CELSR1: variants seen among roughly 807,000 people sequenced by gnomAD.
The protein encoded by CELSR1 is adhesion G protein-coupled receptor C1.
A neutral mutation model predicts 249.1 loss-of-function variants in CELSR1; 110 were observed. The observed-to-expected ratio is 0.44, with a 90% CI of 0.38 to 0.52. The LOEUF (loss-of-function observed/expected upper bound fraction) is 0.52. CELSR1 is among the 20% of genes least tolerant of loss of function. CELSR1 has a pLI of 0.00. For missense variants in CELSR1, 4,109 were observed against 4,296.4 expected (o/e 0.96, Z 1.22); for synonymous variants, 2,113 against 1,900.0 (o/e 1.11, Z -2.92).
At position 46,393,081 on chromosome 22, in the gene CELSR1, G is replaced by A. The variant is rs1741585170; in HGVS notation, c.5964+1061C>T. Among the ~76,000 whole-genome samples the A allele has an allele frequency of 6.6e-6, 1 of 152,120 alleles. No homozygotes were observed. On this transcript the variant is annotated intron_variant, in intron 14 of 34. Transcript: ENST00000674500. The surrounding 1 kb of genome is among the most constrained non-coding windows in gnomAD (Gnocchi z 4.1). ...GGGGACACTACTGACATCACGAGAT[G>A]GCATCCAAGGGTGCCCTGGTACCAG...
intron 1 of CELSR1, among the ~76,000 whole-genome samples, chr22:46,483,925 A>C (rs145869245): frequency 6.6e-6 from 1 of 152,288 alleles, no homozygotes; most frequent in African/African-American, 2.4e-5. Flanking sequence ...TAATACCAAT[A>C]ATTTGTACCT....
chr22:46,439,058 T>A, intron 3 of CELSR1, 131 bp downstream of exon 3: 1 of 910,158 alleles, frequency 1.1e-6, no homozygotes, highest in Non-Finnish European at 1.7e-6. Flanking sequence ...GCGCCTGGCC[T>A]GGAGCTACTC....
intron 24 of CELSR1, among the ~76,000 whole-genome samples, chr22:46,373,471 A>ACCCAGTGCTCTGGGAGGGGCAGCTTCGTG (rs1569111074): frequency 1.8e-3 from 172 of 98,180 alleles, no homozygotes; most frequent in African/African-American, 6.5e-3. Context: ...GCAGCTTCAC[A>ACCCAGTGCTCTGGGAGGGGCAGCTTCGTG]CCCAGTGCTC....
intron 1 of CELSR1, among the ~76,000 whole-genome samples, chr22:46,469,997 A>G: frequency 1.2e-5 from 1 of 84,868 alleles, no homozygotes. Flanking sequence ...GGAGGGAGGG[A>G]GGGAGAGGCA....
In CELSR1 at chr22:46,373,925, G is replaced by A. The variant is rs189582293; in HGVS notation, c.7585-868C>T. Among the ~76,000 whole-genome samples, 797 of 152,288 alleles carry A rather than the reference G, an allele frequency of 5.2e-3. 5 individuals are homozygous for A. The highest frequency in any genetic ancestry group is 0.027 in the Middle Eastern group (8 of 294). ...CCCCCGCCTCAACCCCAGGCTTAAG[G>A]CCACTTTGCTCAGGCACTGGGTCAC... On this transcript the variant is annotated intron_variant, in intron 24 of 34. Transcript: ENST00000674500.
At chr22:46,392,003 C>G (rs2079098291) in intron 14 of CELSR1, among the ~76,000 whole-genome samples, 187 bp from the exon 15 acceptor site, 1 of 152,256 alleles carries the variant, frequency 6.6e-6, no homozygotes, top group Non-Finnish European at 1.5e-5. Context: ...CAAGGCCCCA[C>G]AAGGCCGGAC....
chr22:46,395,301 G>A lies in CELSR1; in HGVS notation c.5844-1039C>T, dbSNP rs2079136042. On this transcript the variant is annotated intron_variant, in intron 13 of 34. Coordinates refer to ENST00000674500, the MANE Select transcript of CELSR1 (RefSeq NM_001378328.1). The surrounding 1 kb of genome is among the most constrained non-coding windows in gnomAD (Gnocchi z 5.5). ...AGCTGTGCTCCATGCGGCAGGTGGG[G>A]GTTCCCTAAGACCAGGTCCTGCCAC... Among the ~76,000 whole-genome samples, 1 of 152,112 alleles carries A rather than the reference G, an allele frequency of 6.6e-6. No individual in the cohort carries two copies. Among genetic ancestry groups the A allele is most frequent in the Admixed American group, 6.5e-5 (1 of 15,268 alleles).
At chr22:46,532,388 C>T (rs950439480) in intron 1 of CELSR1, among the ~76,000 whole-genome samples, 6 of 152,208 alleles carry the variant, frequency 3.9e-5, no homozygotes, top group Non-Finnish European at 5.9e-5. Context: ...ACTGTACTGC[C>T]AAAATTGTGC....
intron 1 of CELSR1, among the ~76,000 whole-genome samples, chr22:46,507,905 C>T (rs548008036): frequency 1.3e-5 from 2 of 148,920 alleles, no homozygotes; most frequent in African/African-American, 2.6e-5. Context: ...CCTCCTCACA[C>T]CCCCCTACCT....
intron 1 of CELSR1, among the ~76,000 whole-genome samples, chr22:46,476,361 C>T (rs1229689763): frequency 6.6e-6 from 1 of 151,916 alleles, no homozygotes; most frequent in Non-Finnish European, 1.5e-5. Context: ...TTTGAGAGAC[C>T]AAGGTGGGTG....
chr22:46,517,722 G>A lies in CELSR1; in HGVS notation c.3544+15905C>T, dbSNP rs149694542. On this transcript the variant is annotated intron_variant, in intron 1 of 34. Transcript: ENST00000674500. The surrounding 1 kb of genome is among the most constrained non-coding windows in gnomAD (Gnocchi z 5.4). ...TCTTTGAAGAATTGGGAGAACTTGC[G>A]ATTATGTGTTAGAATTTTCCATGCT... Among the ~76,000 whole-genome samples, 27 of 152,256 alleles carry A rather than the reference G, an allele frequency of 1.8e-4. No individual in the cohort carries two copies. The East Asian group carries it at 3.9e-3, about 22-fold the overall frequency.
chr22:46,408,952 G>A lies in CELSR1; in HGVS notation c.5226+44C>T. 1 of 1,521,508 alleles carries A rather than the reference G, an allele frequency of 6.6e-7. No individual in the cohort carries two copies. Among genetic ancestry groups the A allele is most frequent in the Non-Finnish European group, 8.8e-7 (1 of 1,132,864 alleles). The allele number at this position is 1,521,508 out of a possible 1,614,324, so 94.3% of individuals were successfully genotyped here. The stretch of plus-strand genomic sequence containing the variant: ...CCCAGCGCCTGGGTCCCTCCCTCGG[G>A]CACCCACCTAGCAGGTGCCTTGGTG... On this transcript the variant is annotated intron_variant, in intron 9 of 34. Coordinates refer to ENST00000674500, the MANE Select transcript of CELSR1 (RefSeq NM_001378328.1). This position sits in a 1 kb window ranked among gnomAD's most constrained non-coding sequence, Gnocchi z 4.6.
chr22:46,415,624 A>T (rs1172671737), intron 5 of CELSR1, among the ~76,000 whole-genome samples: 2 of 146,640 alleles, frequency 1.4e-5, no homozygotes, highest in African/African-American at 5.5e-5. Flanking sequence ...TAAGGAAAAA[A>T]TTAAAAAAAA....
rs181509017 is a variant in CELSR1, at chr22:46,378,426, C to T, written c.7383+165G>A. Among the ~76,000 whole-genome samples, 7 of 152,178 alleles carry T rather than the reference C, an allele frequency of 4.6e-5. No individual in the cohort carries two copies. The East Asian group carries it at 7.7e-4, about 17-fold the overall frequency. On this transcript the variant is annotated intron_variant, in intron 23 of 34. Coordinates refer to ENST00000674500, the MANE Select transcript of CELSR1 (RefSeq NM_001378328.1). ...TTTTAATCGGTTGATTTGTTTTGTT[C>T]CAAGCACTTAGAATGGAAGATTTAG...
Position 46,381,107 on chromosome 22 carries a change from T to G in CELSR1, c.7089-152A>C. ...GCTCGGACCCACGGACCCCACAGTA[T>G]CTTCATCCCTAGAGCAGGTTTTATC... On this transcript the variant is annotated intron_variant, in intron 21 of 34. Transcript: ENST00000674500. This position sits in a 1 kb window ranked among gnomAD's most constrained non-coding sequence, Gnocchi z 6.0. 2.6e-6 allele frequency: 2 copies of G among 768,634 alleles called. No homozygotes were observed. The highest frequency in any genetic ancestry group is 4.1e-6 in the Non-Finnish European group (2 of 483,064). The allele number at this position is 768,634 out of a possible 1,614,324, so 47.6% of individuals were successfully genotyped here. A position where few individuals can be genotyped will look rare whatever the true frequency, so the allele number is the denominator to read the frequency against.
intron 1 of CELSR1, among the ~76,000 whole-genome samples, chr22:46,516,043 G>C (rs1431601527): frequency 2.0e-5 from 3 of 152,248 alleles, no homozygotes; most frequent in Non-Finnish European, 4.4e-5. Context: ...GTGGAAGACA[G>C]TGTGGCGATT....
At position 46,423,295 on chromosome 22, in the gene CELSR1, GAAT is replaced by G. The variant is rs1400423362; in HGVS notation, c.4611+10095_4611+10097del. Among the ~76,000 whole-genome samples, 2 of 152,286 alleles carry G rather than the reference GAAT, an allele frequency of 1.3e-5. No individual in the cohort carries two copies. The highest frequency in any genetic ancestry group is 1.9e-4 in the East Asian group (1 of 5,182). On this transcript the variant is annotated intron_variant, in intron 5 of 34. Coordinates refer to ENST00000674500, the MANE Select transcript of CELSR1 (RefSeq NM_001378328.1). The surrounding 1 kb of genome is among the most constrained non-coding windows in gnomAD (Gnocchi z 5.6). Reference sequence around the variant, plus strand: ...AGCAGCCAAACCACTGCATCACCAGGAATAATAAATATCTGATCAAGACTCCAT... The same window carrying G: ...AGCAGCCAAACCACTGCATCACCAGGAATAAATATCTGATCAAGACTCCAT...
Position 46,536,788 on chromosome 22 carries a change from C to T in CELSR1, c.383G>A (p.Cys128Tyr), listed in dbSNP as rs2080862579. The T allele has an allele frequency of 2.5e-6, 3 of 1,189,802 alleles. No individual in the cohort carries two copies. The highest frequency in any genetic ancestry group is 3.1e-6 in the Non-Finnish European group (3 of 962,774). The allele number at this position is 1,189,802 out of a possible 1,614,324, so 73.7% of individuals were successfully genotyped here. A position where few individuals can be genotyped will look rare whatever the true frequency, so the allele number is the denominator to read the frequency against. ...GGGGACGGGGAAGCAGAGCGCCCCG[C>T]AGAGCCGGGCACCGGTTCCGCAGAG... ...ARLCGTGARL[C>Y]GALCFPVPGG... Residue 128 changes from cysteine to tyrosine, a missense_variant, in exon 1 of 35, where the codon TGC (cysteine) becomes TAC (tyrosine). Transcript: ENST00000674500.
chr22:46,439,591 C>T (rs571133171), intron 2 of CELSR1, among the ~76,000 whole-genome samples, 180 bp from the exon 3 acceptor site: 2 of 152,282 alleles, frequency 1.3e-5, no homozygotes, highest in South Asian at 2.1e-4. Context: ...CAAGGACTTG[C>T]CCAGAGCCGT....
Sources: gnomAD v4.1 joint callset for allele counts (sites outside exome capture counted in the v4.1 genomes callset) on GRCh38, gnomAD v4.1.1 for gene constraint, Gnocchi (gnomAD v3.1) non-coding constraint, MANE v1.5 for transcripts, NCBI Gene and HGNC (gene_info 2026-07-23, HGNC 2026-07-21) for gene names.